OXR1: variants seen among roughly 807,000 people sequenced by gnomAD.
OXR1 encodes oxidation resistance protein 1.
Under a neutral mutation model 104.6 loss-of-function variants are expected in OXR1, and 41 were observed. The observed-to-expected ratio is 0.39, with a 90% confidence interval of 0.31 to 0.51. The LOEUF (loss-of-function observed/expected upper bound fraction) is 0.51. Ranked by LOEUF, OXR1 falls within the 20% of genes least tolerant of loss-of-function variation. The probability of loss-of-function intolerance (pLI) is 0.77; values close to 1 mark genes in which losing one functional copy is unlikely to be tolerated. For missense variants in OXR1, 955 were observed against 1,031.9 expected (o/e 0.93, Z 1.02); for synonymous variants, 348 against 348.4 (o/e 1.00, Z 0.01).
At chr8:106,736,453 CT>C (rs1834384737) in intron 11 of OXR1, among the ~76,000 whole-genome samples, 1 of 152,138 alleles carries the variant, frequency 6.6e-6, no homozygotes, top group Admixed American at 6.5e-5. Flanking sequence ...AATCTAAACT[CT>C]TTATGAGCCA....
intron 2 of OXR1, among the ~76,000 whole-genome samples, chr8:106,389,611 T>A (rs1481115314): frequency 6.6e-6 from 1 of 152,194 alleles, no homozygotes; most frequent in East Asian, 1.9e-4. Flanking sequence ...AGTAGAGATC[T>A]GACCTAAAGA....
At chr8:106,528,326 G>T (rs1320052792) in intron 3 of OXR1, among the ~76,000 whole-genome samples, 1 of 152,182 alleles carries the variant, frequency 6.6e-6, no homozygotes, top group East Asian at 1.9e-4. Flanking sequence ...TCTTAAAATT[G>T]TGATGGTCTG....
At chr8:106,691,121 T>C (rs1563711005) in intron 6 of OXR1, among the ~76,000 whole-genome samples, 1 of 152,060 alleles carries the variant, frequency 6.6e-6, no homozygotes, top group Non-Finnish European at 1.5e-5. Flanking sequence ...TGTAAATCAT[T>C]TGCCCTAGCA....
chr8:106,531,576 T>C (rs1289468718), intron 3 of OXR1, among the ~76,000 whole-genome samples: 1 of 152,188 alleles, frequency 6.6e-6, no homozygotes, highest in Non-Finnish European at 1.5e-5. Flanking sequence ...TAAAATATCA[T>C]AGGTGCCCAC....
intron 2 of OXR1, among the ~76,000 whole-genome samples, chr8:106,505,127 A>G (rs1238560384): frequency 6.6e-6 from 1 of 152,240 alleles, no homozygotes; most frequent in Non-Finnish European, 1.5e-5. Context: ...ACTATTAGGA[A>G]TGCTGTGGTT....
chr8:106,532,936 A>G (rs566367811), intron 3 of OXR1, among the ~76,000 whole-genome samples: 17 of 152,352 alleles, frequency 1.1e-4, no homozygotes, highest in South Asian at 8.3e-4. Flanking sequence ...CATATGGAGG[A>G]CAGCCTGTTA....
intron 2 of OXR1, among the ~76,000 whole-genome samples, chr8:106,480,955 G>A (rs1383942500): frequency 1.3e-5 from 2 of 151,914 alleles, no homozygotes; most frequent in Non-Finnish European, 2.9e-5. Context: ...ATTGCTTCAG[G>A]TCACTGAGTA....
chr8:106,517,965 C>A (rs545432074), intron 2 of OXR1, among the ~76,000 whole-genome samples: 15 of 152,216 alleles, frequency 9.9e-5, no homozygotes, highest in African/African-American at 3.4e-4. Context: ...ACCCTCCATG[C>A]TGAATGGTGT....
intron 3 of OXR1, among the ~76,000 whole-genome samples, chr8:106,576,021 C>CACACACAA (rs1491319477): frequency 4.1e-5 from 6 of 146,918 alleles, no homozygotes; most frequent in African/African-American, 1.2e-4. Flanking sequence ...CACACACACA[C>CACACACAA]AAAACCCTGA....
intron 11 of OXR1, among the ~76,000 whole-genome samples, chr8:106,734,091 G>A (rs1470088404): frequency 6.6e-6 from 1 of 151,450 alleles, no homozygotes; most frequent in Non-Finnish European, 1.5e-5. Flanking sequence ...GCTGGGCTCA[G>A]GTGATCCTTC....
chr8:106,322,330 T>C (rs1814259357), intron 1 of OXR1, among the ~76,000 whole-genome samples: 1 of 152,098 alleles, frequency 6.6e-6, no homozygotes, highest in South Asian at 2.1e-4. Context: ...CAAAAAGGCT[T>C]TCGATAAAAT....
intron 3 of OXR1, among the ~76,000 whole-genome samples, chr8:106,652,530 T>C (rs1001408697): frequency 1.3e-5 from 2 of 151,608 alleles, no homozygotes; most frequent in African/African-American, 2.4e-5. Flanking sequence ...AGCCAATGAG[T>C]CAAATAATAA....
chr8:106,402,955 G>C (rs1818061165), intron 2 of OXR1, among the ~76,000 whole-genome samples: 1 of 152,102 alleles, frequency 6.6e-6, no homozygotes. Context: ...AGAGTAGCTG[G>C]GACTACAGGC....
intron 1 of OXR1, among the ~76,000 whole-genome samples, chr8:106,322,129 G>A (rs1814250066): frequency 6.6e-6 from 1 of 152,230 alleles, no homozygotes; most frequent in Non-Finnish European, 1.5e-5. Context: ...TAACACTTTA[G>A]TTGAAAAGAA....
At chr8:106,283,662 A>G (rs570990508) in intron 1 of OXR1, among the ~76,000 whole-genome samples, 19 of 152,320 alleles carry the variant, frequency 1.2e-4, no homozygotes, top group African/African-American at 4.3e-4. Flanking sequence ...TTGCTTCCTC[A>G]TGAGTCGTAT....
chr8:106,618,184 G>T (rs1337138242), intron 3 of OXR1: 25 of 1,534,928 alleles, frequency 1.6e-5, no homozygotes, highest in Middle Eastern at 1.7e-4. Flanking sequence ...CAGCGCAAAG[G>T]TATGTGTAAG....
chr8:106,701,655 A>T (rs776944), intron 7 of OXR1, among the ~76,000 whole-genome samples: 92,061 of 152,010 alleles, frequency 0.61, 28,746 homozygotes, highest in African/African-American at 0.76. Context: ...GTGATTATGG[A>T]TTGTGACTTG....
chr8:106,475,891 C>CT (rs904344820), intron 2 of OXR1, among the ~76,000 whole-genome samples: 2 of 151,868 alleles, frequency 1.3e-5, no homozygotes, highest in African/African-American at 4.8e-5. Context: ...TCTCACCTTT[C>CT]TTTTTTTGCC....
intron 2 of OXR1, among the ~76,000 whole-genome samples, chr8:106,382,593 C>G (rs1372723265): frequency 6.6e-6 from 1 of 151,740 alleles, no homozygotes; most frequent in African/African-American, 2.4e-5. Context: ...GATTACTACA[C>G]TCAACCCCAC....
Sources: gnomAD v4.1 joint callset for allele counts (sites outside exome capture counted in the v4.1 genomes callset) on GRCh38, gnomAD v4.1.1 for gene constraint, MANE v1.5 for transcripts, NCBI Gene and HGNC (gene_info 2026-07-23, HGNC 2026-07-21) for gene names.